The following SENP6 variants were observed in gnomAD, a reference collection of about 807,000 sequenced individuals.
The protein encoded by SENP6 is sentrin-specific protease 6.
SENP6 carries 41 observed loss-of-function variants against 134.5 expected under a neutral mutation model. The ratio of observed to expected loss-of-function variants is 0.30; its 90% CI spans 0.24 to 0.40. SENP6 has a LOEUF of 0.40. Among genes scored for constraint, SENP6 ranks in the 10% least tolerant of loss-of-function variants. The probability of loss-of-function intolerance (pLI) is 1.00; values close to 1 mark genes in which losing one functional copy is unlikely to be tolerated. For synonymous variants in SENP6, 395 were observed against 429.8 expected, an observed-to-expected ratio of 0.92 and a Z score of 1.00; for missense variants, 1,248 against 1,312.5, an observed-to-expected ratio of 0.95 and a Z score of 0.76.
chr6:75,643,288 T>C (rs558038021), intron 6 of SENP6, among the ~76,000 whole-genome samples: 2 of 152,328 alleles, frequency 1.3e-5, no homozygotes, highest in Non-Finnish European at 2.9e-5. Context: ...CTGATTTGAT[T>C]AAACCCAGCT....
chr6:75,602,631 G>C, intron 1 of SENP6, 55 bp downstream of exon 1: 2 of 1,527,246 alleles, frequency 1.3e-6, no homozygotes, highest in Non-Finnish European at 1.8e-6. Context: ...GGAAAACGTG[G>C]CCCCCAGAAC....
At position 75,677,267 on chromosome 6, in the gene SENP6, T is replaced by C; in HGVS notation, c.1848+11T>C. On this transcript the variant is annotated intron_variant, in intron 14 of 23. Transcript: ENST00000447266. ...AACAAAATTAAAACTGTAATTATGT[T>C]TTTTAATTTAAAAATATTCTTAAAT... The C allele has an allele frequency of 1.3e-6, 2 of 1,502,878 alleles. No homozygotes were observed. Among genetic ancestry groups the C allele is most frequent in the Non-Finnish European group, 1.8e-6 (2 of 1,109,944 alleles). The allele number at this position is 1,502,878 out of a possible 1,614,324, so 93.1% of individuals were successfully genotyped here.
At chr6:75,705,347 C>A (rs996700113) in intron 19 of SENP6, among the ~76,000 whole-genome samples, 7 of 151,958 alleles carry the variant, frequency 4.6e-5, no homozygotes, top group African/African-American at 9.7e-5. Context: ...GAGTTTGAGA[C>A]CAGCCTGACC....
At chr6:75,644,197 T>G (rs1043411924) in intron 6 of SENP6, 11 of 151,126 alleles carry the variant, frequency 7.3e-5, no homozygotes, top group Non-Finnish European at 1.6e-4. Flanking sequence ...GTATGTTTTA[T>G]CACAGTAAAA....
rs761835430 is a variant in SENP6 at position 75,663,533 on chromosome 6, C to G, written c.994+15C>G. On this transcript the variant is annotated intron_variant, in intron 9 of 23. Transcript: ENST00000447266. ...AAATGATCCAAGTAAGTATTTTACTCCCTTTAATATTGCTTATATCAATCC... is the reference window on the plus strand; with the variant it reads ...AAATGATCCAAGTAAGTATTTTACTGCCTTTAATATTGCTTATATCAATCC... The G allele has an allele frequency of 5.7e-6, 9 of 1,583,366 alleles. No individual in the cohort carries two copies. The highest frequency in any genetic ancestry group is 7.7e-6 in the Non-Finnish European group (9 of 1,163,922).
At chr6:75,644,334 A>G (rs551393343) in intron 6 of SENP6, among the ~76,000 whole-genome samples, 5 of 152,296 alleles carry the variant, frequency 3.3e-5, no homozygotes, top group Non-Finnish European at 4.4e-5. Context: ...ACTCTATGAA[A>G]TACCTGACGA....
At chr6:75,610,498 G>GT (rs1767362613) in intron 1 of SENP6, among the ~76,000 whole-genome samples, 1 of 152,178 alleles carries the variant, frequency 6.6e-6, no homozygotes, top group African/African-American at 2.4e-5. Context: ...TAGATAATCT[G>GT]TGCCATATCC....
intron 8 of SENP6, among the ~76,000 whole-genome samples, chr6:75,660,279 T>C (rs1771671549): frequency 6.6e-6 from 1 of 152,214 alleles, no homozygotes; most frequent in South Asian, 2.1e-4. Context: ...ATTAATGATA[T>C]TTTACCTTAG....
intron 16 of SENP6, among the ~76,000 whole-genome samples, chr6:75,690,697 T>G (rs1400704845): frequency 7.5e-6 from 1 of 132,902 alleles, no homozygotes; most frequent in African/African-American, 2.7e-5. Flanking sequence ...TTTTTGTTTT[T>G]TGTTTTTTTT....
chr6:75,676,336 A>G (rs183510314), intron 13 of SENP6, among the ~76,000 whole-genome samples: 1 of 152,216 alleles, frequency 6.6e-6, no homozygotes, highest in East Asian at 1.9e-4. Context: ...TAACACTGTA[A>G]TCTGAGTAAA....
chr6:75,700,668 T>C (rs1774964889), intron 18 of SENP6, among the ~76,000 whole-genome samples: 2 of 152,084 alleles, frequency 1.3e-5, no homozygotes, highest in Admixed American at 1.3e-4. Context: ...TATTTTGTGT[T>C]TTTGGTAGAG....
chr6:75,651,732 A>G (rs1294407881), intron 7 of SENP6, among the ~76,000 whole-genome samples: 1 of 152,050 alleles, frequency 6.6e-6, no homozygotes, highest in African/African-American at 2.4e-5. Context: ...ATGCACATAT[A>G]CTCATTTTTA....
intron 10 of SENP6, among the ~76,000 whole-genome samples, chr6:75,668,138 T>C (rs1179952645): frequency 6.6e-6 from 1 of 152,288 alleles, no homozygotes. Flanking sequence ...TATATGGATT[T>C]ACTTATTTAC....
intron 10 of SENP6, 22 bp downstream of exon 10, chr6:75,666,963 A>T: frequency 6.6e-7 from 1 of 1,513,726 alleles, no homozygotes; most frequent in Non-Finnish European, 9.1e-7. Flanking sequence ...TTTTGTTGAC[A>T]TTTGTTCAGA....
Position 75,608,050 on chromosome 6 carries a change from CCTTA to C in SENP6, c.52+5479_52+5482del, listed in dbSNP as rs573757678. 1.1e-4 allele frequency among the ~76,000 whole-genome samples: 16 copies of C among 152,282 alleles called. No individual in the cohort carries two copies. The South Asian group carries it at 1.9e-3, about 18-fold the overall frequency. On this transcript the variant is annotated intron_variant, in intron 1 of 23. Transcript: ENST00000447266. ...ATCATGGTGTCATTCCTTATTTACTCCTTACTTAAGTATGTTTATTTCCTGATTT... is the reference window on the plus strand; with the variant it reads ...ATCATGGTGTCATTCCTTATTTACTCCTTAAGTATGTTTATTTCCTGATTT...
At chr6:75,675,552 A>G (rs1773021975) in intron 12 of SENP6, 84 bp downstream of exon 12, 8 of 849,508 alleles carry the variant, frequency 9.4e-6, no homozygotes, top group Non-Finnish European at 1.3e-5. Context: ...AATAATATTC[A>G]TAGAATTTAT....
chr6:75,633,456 A>G lies in SENP6; in HGVS notation c.208-125A>G, dbSNP rs181244343. ...TTGAATTATTCTTAAATCCATGCCA[A>G]TGCTATCCACCATCATTCCCAATAG... is the stretch of plus-strand genomic sequence containing the variant. On this transcript the variant is annotated intron_variant, in intron 3 of 23. Transcript: ENST00000447266. 539 of 763,470 alleles carry G rather than the reference A, an allele frequency of 7.1e-4. 4 individuals are homozygous for G. In the African/African-American group the frequency reaches 8.1e-3, roughly 11 times the overall value. 47.3% of individuals were successfully genotyped at this position (763,470 alleles called of 1,614,324 possible).
intron 7 of SENP6, among the ~76,000 whole-genome samples, chr6:75,654,308 A>G (rs1436227761): frequency 1.3e-5 from 2 of 152,238 alleles, no homozygotes; most frequent in African/African-American, 4.8e-5. Context: ...GTCGAGGAGG[A>G]AAAGCTTTGC....
rs1435808248 is a variant in SENP6 at position 75,716,167 on chromosome 6, A to G, written c.*573A>G. ...AGTGAACCCAAGAAATGTAATAAAT[A>G]TTTGTAATTTTACACAAATATTTAA... On this transcript the variant is annotated 3_prime_UTR_variant, in exon 24 of 24. Coordinates refer to ENST00000447266, the MANE Select transcript of SENP6 (RefSeq NM_015571.4). The G allele has an allele frequency of 6.6e-6, 1 of 152,018 alleles. No homozygotes were observed. The highest frequency in any genetic ancestry group is 1.5e-5 in the Non-Finnish European group (1 of 67,862). 9.4% of individuals were successfully genotyped at this position (152,018 alleles called of 1,614,324 possible).
Sources: allele counts gnomAD v4.1 joint callset (sites outside exome capture counted in the v4.1 genomes callset), GRCh38; gene constraint gnomAD v4.1.1; transcripts MANE v1.5; gene names NCBI Gene and HGNC (gene_info 2026-07-23, HGNC 2026-07-21).